The following UTRN variants were observed in gnomAD, a reference collection of about 807,000 sequenced individuals.
The protein encoded by UTRN is dystrophin-related protein 1.
Under a neutral mutation model 463.9 loss-of-function variants are expected in UTRN, and 283 were observed. That is an observed-to-expected ratio of 0.61 (90% CI 0.55 to 0.67). The LOEUF is 0.67. Ranked by LOEUF, UTRN falls within the 30% of genes least tolerant of loss-of-function variation. UTRN has a pLI of 0.00. For missense variants in UTRN, 3,922 were observed against 4,084.3 expected (o/e 0.96, Z 1.08); for synonymous variants, 1,442 against 1,431.5 (o/e 1.01, Z -0.17).
intron 2 of UTRN, chr6:144,311,856 G>A (rs1265205905): frequency 6.6e-6 from 1 of 152,146 alleles, no homozygotes; most frequent in Non-Finnish European, 1.5e-5. Context: ...TCTAAAATGA[G>A]TTAGATATCA....
intron 29 of UTRN, 86 bp from the exon 30 acceptor site, chr6:144,488,586 TG>T: frequency 7.6e-7 from 1 of 1,308,236 alleles, no homozygotes; most frequent in Non-Finnish European, 1.0e-6. Context: ...AAAGCTTTTA[TG>T]GTCTTTTCTT....
chr6:144,354,616 C>CAGTT (rs1778392523), intron 2 of UTRN, among the ~76,000 whole-genome samples: 1 of 152,164 alleles, frequency 6.6e-6, no homozygotes, highest in Non-Finnish European at 1.5e-5. Flanking sequence ...TGGTATTGAG[C>CAGTT]AGTTCTCTGC....
intron 51 of UTRN, chr6:144,659,992 ATTCCT>A (rs1779704678): frequency 7.6e-5 from 26 of 341,178 alleles, no homozygotes; most frequent in South Asian, 6.2e-4. Flanking sequence ...AAGCAGGTCT[ATTCCT>A]TGCGAACTCC....
In UTRN at chr6:144,286,079, G is replaced by C. The variant is rs114432980; in HGVS notation, c.-93+258G>C. ...AGAGCTCGGGCGTGGAGGTCCTTGG[G>C]ATCCGTACTAGTTGTGAACGATCCA... On this transcript the variant is annotated intron_variant, in intron 1 of 74. Coordinates refer to ENST00000367545, the MANE Select transcript of UTRN (RefSeq NM_007124.3). The surrounding 1 kb of genome is among the most constrained non-coding windows in gnomAD (Gnocchi z 4.4). Among the ~76,000 whole-genome samples the C allele has an allele frequency of 6.6e-6, 1 of 150,728 alleles. No homozygotes were observed. The highest frequency in any genetic ancestry group is 1.5e-5 in the Non-Finnish European group (1 of 67,550).
At chr6:144,665,182 AT>A (rs1780262512) in intron 51 of UTRN, among the ~76,000 whole-genome samples, 1 of 152,218 alleles carries the variant, frequency 6.6e-6, no homozygotes, top group South Asian at 2.1e-4. Flanking sequence ...AACCAAAATT[AT>A]TTTAACAAGA....
chr6:144,429,643 G>T lies in UTRN; in HGVS notation c.757G>T (p.Val253Leu), dbSNP rs549963075. ...IIMYLTSLFE[V>L]LPQQVTIDAI... The stretch of plus-strand genomic sequence containing the variant: ...TATGTATTTAACATCTTTGTTTGAG[G>T]TGCTACCTCAGCAAGTCACCATAGA... The change falls in exon 9 of 75, where the codon GTG (valine) becomes TTG (leucine). Residue 253 changes from valine (V) to leucine (L), a missense_variant. Physicochemically the swap from Val to Leu is conservative, Grantham distance 32 (BLOSUM62 1). Transcript: ENST00000367545. 3.1e-6 allele frequency: 5 copies of T among 1,612,276 alleles called. No individual in the cohort carries two copies. In the Admixed American group the frequency reaches 8.4e-5, roughly 27 times the overall value.
chr6:144,344,295 C>T (rs1171007597), intron 2 of UTRN: 5 of 1,304,010 alleles, frequency 3.8e-6, no homozygotes, highest in South Asian at 1.2e-5. Context: ...GGCTTGCAAG[C>T]GATTACCAGG....
intron 2 of UTRN, among the ~76,000 whole-genome samples, chr6:144,346,891 TATCTATCTATCTATC>T (rs1463339359): frequency 6.6e-6 from 1 of 152,048 alleles, no homozygotes; most frequent in Non-Finnish European, 1.5e-5. Flanking sequence ...TCTATCTATC[TATCTATCTATCTATC>T]ATCTATCTAT....
intron 2 of UTRN, among the ~76,000 whole-genome samples, chr6:144,340,029 T>C (rs948944307): frequency 3.9e-5 from 6 of 152,178 alleles, no homozygotes; most frequent in African/African-American, 1.4e-4. Flanking sequence ...TAGCCGGGCA[T>C]GGTGGTGCCC....
chr6:144,688,891 G>T (rs991976410), intron 52 of UTRN, among the ~76,000 whole-genome samples: 6 of 152,162 alleles, frequency 3.9e-5, no homozygotes, highest in Admixed American at 1.3e-4. Context: ...CCAAACAGGT[G>T]GGTAATGTAA....
chr6:144,767,605 T>C (rs1793500743), intron 58 of UTRN, among the ~76,000 whole-genome samples: 1 of 152,110 alleles, frequency 6.6e-6, no homozygotes, highest in Non-Finnish European at 1.5e-5. Context: ...AGTCATAGAA[T>C]TGTAATCCAA....
intron 2 of UTRN, among the ~76,000 whole-genome samples, chr6:144,368,907 T>C (rs1779746842): frequency 6.6e-6 from 1 of 152,250 alleles, no homozygotes; most frequent in African/African-American, 2.4e-5. Flanking sequence ...AAGGTGTCTT[T>C]TTACTGTGTT....
intron 23 of UTRN, 21 bp from the exon 24 acceptor site, chr6:144,473,698 CT>C (rs1562454633): frequency 6.3e-7 from 1 of 1,599,934 alleles, no homozygotes; most frequent in South Asian, 1.1e-5. Context: ...TAATATCCCC[CT>C]CTGTTATCAT....
intron 60 of UTRN, among the ~76,000 whole-genome samples, 187 bp from the exon 61 acceptor site, chr6:144,781,733 AGT>A (rs1245793720): frequency 3.9e-5 from 6 of 152,224 alleles, no homozygotes; most frequent in African/African-American, 7.2e-5. Flanking sequence ...AAAGTATGAA[AGT>A]GTGGTAAAAT....
At chr6:144,508,148 A>G (rs1794845955) in intron 34 of UTRN, among the ~76,000 whole-genome samples, 1 of 152,126 alleles carries the variant, frequency 6.6e-6, no homozygotes, top group Non-Finnish European at 1.5e-5. Flanking sequence ...GAGAATTTCC[A>G]GCCGTTGGAT....
chr6:144,315,957 T>TCC (rs1775260093), intron 2 of UTRN, among the ~76,000 whole-genome samples: 1 of 152,198 alleles, frequency 6.6e-6, no homozygotes, highest in Non-Finnish European at 1.5e-5. Context: ...CTGTTCCCTG[T>TCC]ACACTCCCTC....
rs10612567 is a variant in UTRN, at chr6:144,590,882, GCACA to G, written c.7479+13609_7479+13612del. Among the ~76,000 whole-genome samples the G allele has an allele frequency of 1.5e-4, 22 of 147,176 alleles. No homozygotes were observed. The South Asian group carries it at 1.5e-3, about 10-fold the overall frequency. On this transcript the variant is annotated intron_variant, in intron 51 of 74. Transcript: ENST00000367545. ...CACACACACACACACACACGCACAT[GCACA>G]CACACACACACACATAAGGTTGTTG...
chr6:144,667,053 ACTT>A (rs201512423), intron 51 of UTRN, among the ~76,000 whole-genome samples: 6,297 of 147,136 alleles, frequency 0.043, 465 homozygotes, highest in African/African-American at 0.15. Context: ...TCCTCCTTCT[ACTT>A]CTTCTTCTTC....
chr6:144,502,140 TA>T (rs1318142116), intron 34 of UTRN, among the ~76,000 whole-genome samples: 2 of 152,094 alleles, frequency 1.3e-5, no homozygotes, highest in African/African-American at 4.8e-5. Context: ...TCCTTCTGAA[TA>T]TTTTTTAATG....
Sources: gnomAD v4.1 joint callset for allele counts (sites outside exome capture counted in the v4.1 genomes callset) on GRCh38, gnomAD v4.1.1 for gene constraint, Gnocchi (gnomAD v3.1) non-coding constraint, MANE v1.5 for transcripts, NCBI Gene and HGNC (gene_info 2026-07-23, HGNC 2026-07-21) for gene names.